TCTN3: variants seen among roughly 807,000 people sequenced by gnomAD.
The protein encoded by TCTN3 is tectonic-3.
TCTN3 carries 57 observed loss-of-function variants against 71.3 expected under a neutral mutation model. The ratio of observed to expected loss-of-function variants is 0.80; its 90% CI spans 0.65 to 1.00. The LOEUF (loss-of-function observed/expected upper bound fraction) is 1.00. Among genes scored for constraint, TCTN3 ranks in the 50% least tolerant of loss-of-function variants. The probability of loss-of-function intolerance (pLI) is 0.00; values close to 1 mark genes in which losing one functional copy is unlikely to be tolerated. For synonymous variants in TCTN3, 258 were observed against 267.8 expected, an observed-to-expected ratio of 0.96 and a Z score of 0.36; for missense variants, 696 against 719.9, an observed-to-expected ratio of 0.97 and a Z score of 0.38.
At position 95,676,229 on chromosome 10, in the gene TCTN3, C is replaced by T. The variant is rs148793981; in HGVS notation, c.1590+4243G>A. Among the ~76,000 whole-genome samples, 889 of 151,146 alleles carry T rather than the reference C, an allele frequency of 5.9e-3. 5 individuals carry two copies. Among genetic ancestry groups the T allele is most frequent in the Middle Eastern group, 0.01 (3 of 294 alleles). On this transcript the variant is annotated intron_variant, in intron 13 of 13. Coordinates refer to ENST00000371217, the MANE Select transcript of TCTN3 (RefSeq NM_015631.6). ...TAGCATTTAAAATACAAAAACAAAC[C>T]AGAATAAACCAGAATAGAAAATATC...
chr10:95,664,351 G>A, intron 13 of TCTN3, 51 bp from the exon 14 acceptor site: 2 of 1,465,904 alleles, frequency 1.4e-6, no homozygotes, highest in Non-Finnish European at 1.9e-6. Flanking sequence ...CATTCATATA[G>A]CACTCTAACT....
chr10:95,675,432 A>G (rs1201445099), intron 13 of TCTN3, among the ~76,000 whole-genome samples: 3 of 152,188 alleles, frequency 2.0e-5, no homozygotes, highest in Admixed American at 6.5e-5. Flanking sequence ...GCAAACTTTG[A>G]AAAGTTCTTT....
intron 3 of TCTN3, 123 bp downstream of exon 3, chr10:95,692,797 C>A: frequency 1.5e-6 from 1 of 665,602 alleles, no homozygotes. Flanking sequence ...TTTAACTCAT[C>A]AGCTATCGTT....
intron 13 of TCTN3, among the ~76,000 whole-genome samples, chr10:95,676,626 T>A (rs186489785): frequency 5.3e-5 from 8 of 152,302 alleles, no homozygotes; most frequent in African/African-American, 1.9e-4. Context: ...TGTTGCAAAC[T>A]CGGTCATGAT....
intron 3 of TCTN3, among the ~76,000 whole-genome samples, chr10:95,691,999 G>C (rs1453370685): frequency 6.6e-6 from 1 of 152,182 alleles, no homozygotes; most frequent in African/African-American, 2.4e-5. Context: ...TGAAAATAAG[G>C]TTGGCATAGA....
chr10:95,679,833 G>A (rs1425782587), intron 13 of TCTN3, among the ~76,000 whole-genome samples: 12 of 151,900 alleles, frequency 7.9e-5, no homozygotes, highest in African/African-American at 2.2e-4. Context: ...CTCGTGATCC[G>A]CCCGCCTCGG....
chr10:95,667,853 C>A (rs1278493888), intron 13 of TCTN3, among the ~76,000 whole-genome samples: 1 of 152,152 alleles, frequency 6.6e-6, no homozygotes, highest in African/African-American at 2.4e-5. Flanking sequence ...TCAGTGTCAC[C>A]CACAATCACA....
At chr10:95,667,521 A>C (rs2097926829) in intron 13 of TCTN3, among the ~76,000 whole-genome samples, 1 of 152,202 alleles carries the variant, frequency 6.6e-6, no homozygotes, top group African/African-American at 2.4e-5. Flanking sequence ...GCAGATGGAA[A>C]ATCATTACTG....
chr10:95,665,937 T>C lies in TCTN3; in HGVS notation c.1591-1637A>G, dbSNP rs933393703. On this transcript the variant is annotated intron_variant, in intron 13 of 13. Transcript: ENST00000371217. ...TGTGCTAATCTTGCATTCAAATTAA[T>C]TCTGTAGTTTTTTTTTTTTTTGAGA... Among the ~76,000 whole-genome samples the C allele has an allele frequency of 3.8e-5, 4 of 104,044 alleles. No homozygotes were observed. In the South Asian group the frequency reaches 9.9e-4, roughly 26 times the overall value. The allele number at this position is 104,044 out of a possible 152,430, so 68.3% of individuals were successfully genotyped here. A position where few individuals can be genotyped will look rare whatever the true frequency, so the allele number is the denominator to read the frequency against.
intron 7 of TCTN3, among the ~76,000 whole-genome samples, 163 bp downstream of exon 7, chr10:95,686,332 G>A (rs527424939): frequency 6.6e-6 from 1 of 152,332 alleles, no homozygotes; most frequent in East Asian, 1.9e-4. Flanking sequence ...GCTATTAACT[G>A]TATAGGACGT....
chr10:95,674,695 T>C (rs2097935098), intron 13 of TCTN3, among the ~76,000 whole-genome samples: 1 of 152,214 alleles, frequency 6.6e-6, no homozygotes. Flanking sequence ...TGTATCTGTA[T>C]GTTATATCTA....
chr10:95,670,061 CAA>C (rs34609339), intron 13 of TCTN3, among the ~76,000 whole-genome samples: 22,664 of 79,644 alleles, frequency 0.28, 1,237 homozygotes, highest in East Asian at 0.56. Flanking sequence ...GACTCCGTCT[CAA>C]AAAAAAAAAA....
rs191466498 is a variant in TCTN3, at chr10:95,686,653, G to A, written c.853-123C>T. The A allele has an allele frequency of 5.6e-6, 5 of 886,256 alleles. No individual in the cohort carries two copies. The Admixed American group carries it at 1.2e-4, about 21-fold the overall frequency. The allele number at this position is 886,256 out of a possible 1,614,324, so 54.9% of individuals were successfully genotyped here. A position where few individuals can be genotyped will look rare whatever the true frequency, so the allele number is the denominator to read the frequency against. The stretch of plus-strand genomic sequence containing the variant: ...GGCAGGGGAGTCAATATATTAGAAT[G>A]ATTTACTTCCTCTATTCCACCTGAC... On this transcript the variant is annotated intron_variant, in intron 6 of 13. Coordinates refer to ENST00000371217, the MANE Select transcript of TCTN3 (RefSeq NM_015631.6).
chr10:95,683,673 C>G (rs750457713), intron 9 of TCTN3, 44 bp from the exon 10 acceptor site: 104 of 1,541,712 alleles, frequency 6.7e-5, no homozygotes, highest in Non-Finnish European at 9.2e-5. Context: ...GATAAGCATA[C>G]TTTCCCACCT....
intron 13 of TCTN3, among the ~76,000 whole-genome samples, chr10:95,666,639 C>G (rs1324131506): frequency 6.6e-6 from 1 of 152,118 alleles, no homozygotes; most frequent in Non-Finnish European, 1.5e-5. Context: ...GTGACCTATA[C>G]TGGCTGAAAT....
chr10:95,684,699 C>A, intron 8 of TCTN3, 75 bp from the exon 9 acceptor site: 2 of 1,533,842 alleles, frequency 1.3e-6, no homozygotes, highest in Non-Finnish European at 8.8e-7. Flanking sequence ...GATTTTCTGT[C>A]TTCAAGGGTG....
chr10:95,684,632 G>A lies in TCTN3; in HGVS notation c.970-8C>T, dbSNP rs1334382787. ...CTCTATCTCATAGGTGACCTGAAATGCAAAAAGAATCAATTAATAAAAAGT... is the reference window on the plus strand; with the variant it reads ...CTCTATCTCATAGGTGACCTGAAATACAAAAAGAATCAATTAATAAAAAGT... On this transcript the variant is annotated splice_polypyrimidine_tract_variant and splice_region_variant and intron_variant, in intron 8 of 13. Coordinates refer to ENST00000371217, the MANE Select transcript of TCTN3 (RefSeq NM_015631.6). The A allele has an allele frequency of 6.2e-7, 1 of 1,611,292 alleles. No individual in the cohort carries two copies. The highest frequency in any genetic ancestry group is 8.5e-7 in the Non-Finnish European group (1 of 1,178,968).
chr10:95,670,028 C>A (rs1234307401), intron 13 of TCTN3, among the ~76,000 whole-genome samples: 2 of 135,008 alleles, frequency 1.5e-5, no homozygotes, highest in Non-Finnish European at 3.1e-5. Flanking sequence ...TGCGCCACTG[C>A]ACTCCAGCCT....
At chr10:95,670,061 C>CAAAAAAA (rs34609339) in intron 13 of TCTN3, among the ~76,000 whole-genome samples, 2,095 of 81,014 alleles carry the variant, frequency 0.026, 97 homozygotes, top group African/African-American at 0.048. Context: ...GACTCCGTCT[C>CAAAAAAA]AAAAAAAAAA....
Sources: gnomAD v4.1 joint callset for allele counts (sites outside exome capture counted in the v4.1 genomes callset) on GRCh38, gnomAD v4.1.1 for gene constraint, MANE v1.5 for transcripts, NCBI Gene and HGNC (gene_info 2026-07-23, HGNC 2026-07-21) for gene names.